The following C5orf63 variants were observed in gnomAD, a reference collection of about 807,000 sequenced individuals.
The protein encoded by C5orf63 is chromosome 5 open reading frame 63.
A neutral mutation model predicts 13.3 loss-of-function variants in C5orf63; 18 were observed. That is an observed-to-expected ratio of 1.36 (90% CI 0.94 to 2.01). C5orf63 has a LOEUF of 2.01. Ranked by LOEUF, C5orf63 falls within the 30% of genes most tolerant of loss-of-function variation. C5orf63 has a pLI of 0.00. For missense variants in C5orf63, 118 were observed against 127.7 expected, an observed-to-expected ratio of 0.92 and a Z score of 0.36; for synonymous variants, 38 against 44.7, an observed-to-expected ratio of 0.85 and a Z score of 0.60.
chr5:127,047,404 C>A (rs1348009521), downstream of C5orf63: 2 of 329,600 alleles, frequency 6.1e-6, no homozygotes, highest in Non-Finnish European at 1.1e-5. Flanking sequence ...GTGGGATAAT[C>A]AAACCACCTT....
intron 3 of C5orf63, among the ~76,000 whole-genome samples, chr5:127,054,761 T>C (rs1240971717): frequency 6.6e-6 from 1 of 152,254 alleles, no homozygotes; most frequent in Admixed American, 6.5e-5. Flanking sequence ...TTAGCCTATT[T>C]TGGCTTTTGT....
chr5:127,052,726 C>A (rs907648430), intron 3 of C5orf63, 57 bp from the exon 4 acceptor site: 4 of 1,363,198 alleles, frequency 2.9e-6, no homozygotes, highest in Admixed American at 6.5e-5. Context: ...TTTGCCCTTA[C>A]AAAAACAAAA....
chr5:127,059,138 G>A, intron 2 of C5orf63, 136 bp from the exon 3 acceptor site: 1 of 639,644 alleles, frequency 1.6e-6, no homozygotes, highest in Middle Eastern at 3.6e-4. Flanking sequence ...GTGTTGGAAA[G>A]ACCTATAAAT....
intron 4 of C5orf63, 61 bp downstream of exon 4, chr5:127,052,552 T>C: frequency 2.6e-6 from 3 of 1,153,232 alleles, no homozygotes; most frequent in Non-Finnish European, 3.4e-6. Flanking sequence ...TCCAGGCAGA[T>C]ACTTTATACC....
intron 2 of C5orf63, among the ~76,000 whole-genome samples, chr5:127,066,358 T>C (rs1195566568): frequency 6.6e-6 from 1 of 152,066 alleles, no homozygotes; most frequent in African/African-American, 2.4e-5. Flanking sequence ...GAACAGATTG[T>C]TGGGGGGCAA....
At chr5:127,070,172 A>G (rs1355937374) in intron 2 of C5orf63, among the ~76,000 whole-genome samples, 2 of 152,218 alleles carry the variant, frequency 1.3e-5, no homozygotes, top group East Asian at 3.8e-4. Flanking sequence ...TGTTCTCTAA[A>G]TCTAAAAAGA....
At chr5:127,068,668 G>A (rs951850041) in intron 2 of C5orf63, among the ~76,000 whole-genome samples, 1 of 152,170 alleles carries the variant, frequency 6.6e-6, no homozygotes, top group Admixed American at 6.5e-5. Context: ...TAAAGTGGAA[G>A]GGGAGAGGAG....
chr5:127,055,440 A>T (rs1056759149), intron 3 of C5orf63, among the ~76,000 whole-genome samples: 2 of 152,080 alleles, frequency 1.3e-5, no homozygotes, highest in Non-Finnish European at 2.9e-5. Flanking sequence ...CTCAAAACAG[A>T]CCCCAAATTA....
In C5orf63 at chr5:127,064,969, C is replaced by T. The variant is rs147745152; in HGVS notation, c.-7-5967G>A. 1.8e-4 allele frequency among the ~76,000 whole-genome samples: 28 copies of T among 152,298 alleles called. No individual in the cohort carries two copies. In the East Asian group the frequency reaches 5.0e-3, roughly 27 times the overall value. On this transcript the variant is annotated intron_variant, in intron 2 of 4. Transcript: ENST00000296662. ...CACATCCCCTTACCCTTCTAGTTCT[C>T]AGTAACATTAAGCCATTAATTTTTT...
intron 2 of C5orf63, among the ~76,000 whole-genome samples, chr5:127,070,019 C>T (rs1480132516): frequency 2.6e-5 from 4 of 152,130 alleles, no homozygotes; most frequent in African/African-American, 9.7e-5. Context: ...CCCAAAAAAT[C>T]GCAAAACACT....
chr5:127,071,245 G>A (rs1034073507), intron 2 of C5orf63, among the ~76,000 whole-genome samples: 1 of 152,178 alleles, frequency 6.6e-6, no homozygotes, highest in Non-Finnish European at 1.5e-5. Flanking sequence ...CAGTAAAAAG[G>A]CTGTTACTAG....
At chr5:127,065,905 A>G (rs1330047007) in intron 2 of C5orf63, among the ~76,000 whole-genome samples, 2 of 152,290 alleles carry the variant, frequency 1.3e-5, no homozygotes, top group Non-Finnish European at 2.9e-5. Context: ...ACAAGAAAGT[A>G]AGGTACGTTG....
At chr5:127,050,354 T>A (rs114091782), downstream of C5orf63, among the ~76,000 whole-genome samples, 2,585 of 152,220 alleles carry the variant, frequency 0.017, 71 homozygotes, top group African/African-American at 0.059. Flanking sequence ...TCTTTTATTT[T>A]TTTTTTTTAA....
chr5:127,052,698 T>C, intron 3 of C5orf63, 29 bp from the exon 4 acceptor site: 1 of 1,462,388 alleles, frequency 6.8e-7, no homozygotes, highest in Middle Eastern at 1.8e-4. Context: ...CCCAAGCGAT[T>C]AAACCCAAAG....
downstream of C5orf63, among the ~76,000 whole-genome samples, chr5:127,050,356 T>A (rs970361778): frequency 2.6e-5 from 4 of 152,168 alleles, no homozygotes; most frequent in Non-Finnish European, 4.4e-5. Context: ...TTTTATTTTT[T>A]TTTTTTAAGA....
chr5:127,043,946 G>A (rs572911262), downstream of C5orf63: 9 of 152,290 alleles, frequency 5.9e-5, no homozygotes, highest in Middle Eastern at 3.4e-3. Flanking sequence ...GCCAGGCCAC[G>A]GGTTGACCTT....
At chr5:127,065,443 T>C (rs1754294530) in intron 2 of C5orf63, among the ~76,000 whole-genome samples, 2 of 152,184 alleles carry the variant, frequency 1.3e-5, no homozygotes, top group African/African-American at 2.4e-5. Context: ...AATCATTTCA[T>C]TGAGAATTTG....
intron 2 of C5orf63, among the ~76,000 whole-genome samples, chr5:127,062,393 C>T (rs1458582219): frequency 1.3e-5 from 2 of 152,142 alleles, no homozygotes; most frequent in East Asian, 1.9e-4. Flanking sequence ...AATTTTACTA[C>T]CTGCATATTC....
intron 2 of C5orf63, among the ~76,000 whole-genome samples, chr5:127,065,147 C>T (rs2126897515): frequency 6.6e-6 from 1 of 152,250 alleles, no homozygotes; most frequent in South Asian, 2.1e-4. Context: ...GAATTCTTAA[C>T]TAAAACAATA....
Sources: gnomAD v4.1 joint callset for allele counts (sites outside exome capture counted in the v4.1 genomes callset) on GRCh38, gnomAD v4.1.1 for gene constraint, MANE v1.5 for transcripts, NCBI Gene and HGNC (gene_info 2026-07-23, HGNC 2026-07-21) for gene names.